Variants in TNPO1 observed in about 807,000 individuals in gnomAD.
TNPO1 encodes transportin-1.
Under a neutral mutation model 119.5 loss-of-function variants are expected in TNPO1, and 8 were observed. The observed-to-expected ratio is 0.07, with a 90% confidence interval of 0.04 to 0.12. The LOEUF (loss-of-function observed/expected upper bound fraction) is 0.12. TNPO1 is among the 10% of genes least tolerant of loss of function. The probability of loss-of-function intolerance (pLI) is 1.00; values close to 1 mark genes in which losing one functional copy is unlikely to be tolerated. For synonymous variants in TNPO1, 362 were observed against 363.0 expected, an observed-to-expected ratio of 1.00 and a Z score of 0.03; for missense variants, 576 against 1,089.8, an observed-to-expected ratio of 0.53 and a Z score of 6.64.
intron 1 of TNPO1, among the ~76,000 whole-genome samples, chr5:72,829,527 G>A (rs536722476): frequency 1.3e-5 from 2 of 152,352 alleles, no homozygotes; most frequent in African/African-American, 4.8e-5. Flanking sequence ...CAATCGAGTT[G>A]AATACAAGTT....
At chr5:72,833,645 AG>A (rs1304695536) in intron 1 of TNPO1, among the ~76,000 whole-genome samples, 1 of 152,220 alleles carries the variant, frequency 6.6e-6, no homozygotes, top group Non-Finnish European at 1.5e-5. Context: ...TTCAGTTTTA[AG>A]GGTCCATGCT....
rs1012899616 is a variant in TNPO1 at position 72,912,428 on chromosome 5, T to A, written c.*3755T>A. On this transcript the variant is annotated 3_prime_UTR_variant, in exon 25 of 25. Coordinates refer to ENST00000337273, the MANE Select transcript of TNPO1 (RefSeq NM_002270.4). ...TTGAAATGCTTTGTCTACTCAGTTA[T>A]AAAATATTCAGATACAAGTTTTATC... is the stretch of plus-strand genomic sequence containing the variant. The A allele has an allele frequency of 6.6e-6, 1 of 152,576 alleles. No homozygotes were observed. Among genetic ancestry groups the A allele is most frequent in the African/African-American group, 2.4e-5 (1 of 41,470 alleles). The allele number at this position is 152,576 out of a possible 1,614,324, so 9.5% of individuals were successfully genotyped here.
chr5:72,865,072 A>C (rs1364332850), intron 5 of TNPO1, among the ~76,000 whole-genome samples: 1 of 152,248 alleles, frequency 6.6e-6, no homozygotes, highest in Non-Finnish European at 1.5e-5. Context: ...TAAGTCATTT[A>C]ATGCTAAAAC....
chr5:72,894,224 T>G (rs1429978864), intron 18 of TNPO1, among the ~76,000 whole-genome samples: 1 of 149,250 alleles, frequency 6.7e-6, no homozygotes, highest in Non-Finnish European at 1.5e-5. Flanking sequence ...GAGTGCGAGA[T>G]TCGAGACTAG....
At chr5:72,859,712 ATGTT>A (rs1295407714) in intron 4 of TNPO1, among the ~76,000 whole-genome samples, 1 of 152,160 alleles carries the variant, frequency 6.6e-6, no homozygotes, top group African/African-American at 2.4e-5. Flanking sequence ...TCTCTTGTGT[ATGTT>A]TGTACAATTA....
chr5:72,846,178 G>A (rs151127328), intron 1 of TNPO1, among the ~76,000 whole-genome samples: 394 of 152,288 alleles, frequency 2.6e-3, no homozygotes, highest in African/African-American at 9.0e-3. Flanking sequence ...AACCCCACCA[G>A]GTTGCCACTA....
rs776420085 is a variant in TNPO1, at chr5:72,875,674, A to G, written c.738A>G (p.Ala246=). 6.2e-7 allele frequency: 1 copy of G among 1,613,582 alleles called. No individual in the cohort carries two copies. The highest frequency in any genetic ancestry group is 1.3e-5 in the African/African-American group (1 of 75,038). The change falls in exon 8 of 25, where the codon GCA becomes GCG. Residue 246 remains alanine (A), a synonymous_variant. Transcript: ENST00000337273. ...EPEVRKNVCR[A]LVMLLEVRMD... ...AGGTACGGAAAAATGTGTGCCGAGCACTTGTGATGTTGCTCGAAGTTCGAA... is the reference window on the plus strand; with the variant it reads ...AGGTACGGAAAAATGTGTGCCGAGCGCTTGTGATGTTGCTCGAAGTTCGAA...
chr5:72,860,404 A>G (rs986746616), intron 4 of TNPO1, among the ~76,000 whole-genome samples: 5 of 152,248 alleles, frequency 3.3e-5, no homozygotes, highest in Non-Finnish European at 7.3e-5. Flanking sequence ...TATCACTAAT[A>G]TGTTTACTAA....
chr5:72,896,867 C>G (rs1008379325), intron 19 of TNPO1, among the ~76,000 whole-genome samples, 189 bp from the exon 20 acceptor site: 1 of 152,012 alleles, frequency 6.6e-6, no homozygotes. Context: ...AACTTTGTCT[C>G]AAAATAAATA....
chr5:72,887,018 A>G, intron 11 of TNPO1, 52 bp from the exon 12 acceptor site: 1 of 1,465,586 alleles, frequency 6.8e-7, no homozygotes, highest in Non-Finnish European at 9.2e-7. Context: ...AATAAATAAT[A>G]TATAAGTAAT....
At chr5:72,865,191 C>T (rs1012196729) in intron 5 of TNPO1, among the ~76,000 whole-genome samples, 1 of 152,080 alleles carries the variant, frequency 6.6e-6, no homozygotes, top group East Asian at 1.9e-4. Context: ...CCTGTAATCC[C>T]AGCACTTTGG....
chr5:72,819,846 T>A (rs1275315842), intron 1 of TNPO1, among the ~76,000 whole-genome samples: 1 of 152,234 alleles, frequency 6.6e-6, no homozygotes, highest in African/African-American at 2.4e-5. Flanking sequence ...TCTTATGTTA[T>A]GAGGATTAAA....
chr5:72,911,531 CATTT>C lies in TNPO1; in HGVS notation c.*2862_*2865del, dbSNP rs1321921480. 1.2e-4 allele frequency: 18 copies of C among 152,562 alleles called. No homozygotes were observed. The highest frequency in any genetic ancestry group is 1.1e-3 in the Admixed American group (17 of 15,280). The allele number at this position is 152,562 out of a possible 1,614,324, so 9.5% of individuals were successfully genotyped here. A position where few individuals can be genotyped will look rare whatever the true frequency, so the allele number is the denominator to read the frequency against. ...TCTTTTGAGGTAAGCTCTGATTTAG[CATTT>C]ATTCTGATAAAATCTAATACATCAT... On this transcript the variant is annotated 3_prime_UTR_variant, in exon 25 of 25. Coordinates refer to ENST00000337273, the MANE Select transcript of TNPO1 (RefSeq NM_002270.4).
chr5:72,885,421 G>A (rs1426016351), intron 11 of TNPO1, among the ~76,000 whole-genome samples: 4 of 152,188 alleles, frequency 2.6e-5, no homozygotes, highest in Non-Finnish European at 5.9e-5. Context: ...CATGGATGGG[G>A]GAACACTTCC....
In TNPO1 at chr5:72,897,058, A is replaced by G; in HGVS notation, c.2245A>G (p.Ile749Val). ...AIGEISIQMGIEMQPYIPMVL... is the reference protein window; with the variant it reads ...AIGEISIQMGVEMQPYIPMVL... ...TTTCTTTTTGGGATGATCTCTAGGTATAGAGATGCAGCCTTATATTCCTAT... is the reference window on the plus strand; with the variant it reads ...TTTCTTTTTGGGATGATCTCTAGGTGTAGAGATGCAGCCTTATATTCCTAT... Residue 749 changes from isoleucine to valine, a missense_variant and splice_region_variant, in exon 20 of 25, where the codon ATA (isoleucine) becomes GTA (valine). Around this residue, in one of 6 missense-constraint regions of TNPO1, gnomAD observed 162 missense variants for 294.1 expected, o/e 0.55. Coordinates refer to ENST00000337273, the MANE Select transcript of TNPO1 (RefSeq NM_002270.4). 6.3e-7 allele frequency: 1 copy of G among 1,579,080 alleles called. No homozygotes were observed. Among genetic ancestry groups the G allele is most frequent in the Non-Finnish European group, 8.6e-7 (1 of 1,163,110 alleles).
intron 6 of TNPO1, among the ~76,000 whole-genome samples, chr5:72,871,230 G>A (rs1747375775): frequency 6.6e-6 from 1 of 152,198 alleles, no homozygotes; most frequent in South Asian, 2.1e-4. Flanking sequence ...GCCCGCCTCG[G>A]CCTCCCAAAG....
intron 6 of TNPO1, 107 bp from the exon 7 acceptor site, chr5:72,872,532 T>C: frequency 1.5e-6 from 1 of 677,960 alleles, no homozygotes; most frequent in Non-Finnish European, 2.4e-6. Context: ...AGTGGGTATA[T>C]TGATAGACAT....
intron 1 of TNPO1, among the ~76,000 whole-genome samples, chr5:72,834,627 TAA>T (rs959272773): frequency 6.6e-5 from 10 of 152,246 alleles, no homozygotes; most frequent in Non-Finnish European, 1.2e-4. Context: ...AGCTAAGTAT[TAA>T]AAGAGTCAAA....
chr5:72,891,763 T>G (rs772787232), intron 14 of TNPO1, 47 bp from the exon 15 acceptor site: 1 of 1,350,204 alleles, frequency 7.4e-7, no homozygotes, highest in South Asian at 1.3e-5. Context: ...ATGGTCTTGT[T>G]GACATGTGAT....
Sources: allele counts gnomAD v4.1 joint callset (sites outside exome capture counted in the v4.1 genomes callset), GRCh38; gene constraint gnomAD v4.1.1; regional missense constraint gnomAD v4.1.1; transcripts MANE v1.5; gene names NCBI Gene and HGNC (gene_info 2026-07-23, HGNC 2026-07-21).